FAM168B: variants seen among roughly 807,000 people sequenced by gnomAD.
FAM168B encodes family with sequence similarity 168 member B, also known as myelin-associated neurite-outgrowth inhibitor.
In FAM168B, 19 loss-of-function variants were observed where a neutral mutation model predicts 21.8. The observed-to-expected ratio is 0.87, with a 90% CI of 0.61 to 1.28. FAM168B has a LOEUF of 1.28. Ranked by LOEUF, FAM168B falls within the 50% of genes most tolerant of loss-of-function variation. The pLI is 0.00. For missense variants in FAM168B, 233 were observed against 263.1 expected, an observed-to-expected ratio of 0.89 and a Z score of 0.79; for synonymous variants, 126 against 104.8, an observed-to-expected ratio of 1.20 and a Z score of -1.24.
At chr2:131,052,566 C>G in intron 6 of FAM168B, 114 bp from the exon 7 acceptor site, 2 of 855,624 alleles carry the variant, frequency 2.3e-6, no homozygotes, top group Non-Finnish European at 2.9e-6. Context: ...ATGGGCAAAA[C>G]TGCTGGACCT....
rs1691503414 is a variant in FAM168B at position 131,049,311 on chromosome 2, C to T, written c.*3154G>A. The T allele has an allele frequency of 3.0e-6, 3 of 985,386 alleles. No homozygotes were observed. Among genetic ancestry groups the T allele is most frequent in the Non-Finnish European group, 2.4e-6 (2 of 830,044 alleles). 61.0% of individuals were successfully genotyped at this position (985,386 alleles called of 1,614,324 possible). A position where few individuals can be genotyped will look rare whatever the true frequency, so the allele number is the denominator to read the frequency against. On this transcript the variant is annotated 3_prime_UTR_variant, in exon 7 of 7. Transcript: ENST00000389915. Reference sequence around the variant, plus strand: ...ACACTCACTGACCAGGTGCCCACCCCAAGGCTCAGGACCACCCCCATTGCC... The same window carrying T: ...ACACTCACTGACCAGGTGCCCACCCTAAGGCTCAGGACCACCCCCATTGCC...
intron 3 of FAM168B, among the ~76,000 whole-genome samples, chr2:131,059,711 T>C (rs1298647648): frequency 6.6e-6 from 1 of 152,114 alleles, no homozygotes; most frequent in Admixed American, 6.5e-5. Flanking sequence ...ACCCACAGGG[T>C]TCCCTTTCTT....
At chr2:131,072,098 TTC>T (rs1351462646) in intron 2 of FAM168B, among the ~76,000 whole-genome samples, 160 bp from the exon 3 acceptor site, 1 of 152,212 alleles carries the variant, frequency 6.6e-6, no homozygotes, top group Non-Finnish European at 1.5e-5. Flanking sequence ...TCTAGTTGTC[TTC>T]TTCCCGCAGA....
At position 131,051,781 on chromosome 2, in the gene FAM168B, T is replaced by C; in HGVS notation, c.*684A>G. 1 of 985,466 alleles carries C rather than the reference T, an allele frequency of 1.0e-6. No individual in the cohort carries two copies. Among genetic ancestry groups the C allele is most frequent in the Non-Finnish European group, 1.2e-6 (1 of 829,940 alleles). 61.0% of individuals were successfully genotyped at this position (985,466 alleles called of 1,614,324 possible). On this transcript the variant is annotated 3_prime_UTR_variant, in exon 7 of 7. Coordinates refer to ENST00000389915, the MANE Select transcript of FAM168B (RefSeq NM_001009993.4). ...AGCTTTAAGCATGTCCCTGTTCCAC[T>C]GACTCCACCAAGCCTAAACTCAAAG...
At chr2:131,060,000 C>CTTAA (rs1692213259) in intron 3 of FAM168B, among the ~76,000 whole-genome samples, 1 of 152,154 alleles carries the variant, frequency 6.6e-6, no homozygotes, top group South Asian at 2.1e-4. Flanking sequence ...TGTACTTGTG[C>CTTAA]TTAAGCCAGG....
At chr2:131,075,868 G>A (rs1327806513) in intron 2 of FAM168B, among the ~76,000 whole-genome samples, 1 of 152,120 alleles carries the variant, frequency 6.6e-6, no homozygotes, top group East Asian at 1.9e-4. Flanking sequence ...GGCATCACTA[G>A]CCACCAGCAA....
At chr2:131,058,745 G>C (rs1692150913) in intron 3 of FAM168B, among the ~76,000 whole-genome samples, 1 of 152,172 alleles carries the variant, frequency 6.6e-6, no homozygotes, top group Admixed American at 6.5e-5. Flanking sequence ...TTCTCTGGCT[G>C]CTCATCTCCT....
At chr2:131,066,537 G>A (rs999364766) in intron 3 of FAM168B, among the ~76,000 whole-genome samples, 1 of 152,140 alleles carries the variant, frequency 6.6e-6, no homozygotes, top group African/African-American at 2.4e-5. Flanking sequence ...CTTGTGTGTA[G>A]AGCTTATTAC....
intron 3 of FAM168B, among the ~76,000 whole-genome samples, chr2:131,061,001 A>G (rs1195355335): frequency 6.7e-6 from 1 of 150,346 alleles, no homozygotes; most frequent in Non-Finnish European, 1.5e-5. Flanking sequence ...ACAGGCGCCC[A>G]CCACCAAGCC....
Position 131,048,406 on chromosome 2 carries a change from C to CCG in FAM168B, c.*4058_*4059insCG. On this transcript the variant is annotated 3_prime_UTR_variant, in exon 7 of 7. Transcript: ENST00000389915. ...GGAGCACACCACCCTTCTGCAGGCCCGGGGGGGGGTCCCTACACAGACGCC... is the reference window on the plus strand; with the variant it reads ...GGAGCACACCACCCTTCTGCAGGCCCCGGGGGGGGGGTCCCTACACAGACGCC... 1 of 1,231,596 alleles carries CCG rather than the reference C, an allele frequency of 8.1e-7. No individual in the cohort carries two copies. Among genetic ancestry groups the CCG allele is most frequent in the Non-Finnish European group, 1.1e-6 (1 of 941,170 alleles). 76.3% of individuals were successfully genotyped at this position (1,231,596 alleles called of 1,614,324 possible).
Position 131,051,027 on chromosome 2 carries a change from CAA to C in FAM168B, c.*1436_*1437del. The C allele has an allele frequency of 1.0e-6, 1 of 985,422 alleles. No individual in the cohort carries two copies. 61.0% of individuals were successfully genotyped at this position (985,422 alleles called of 1,614,324 possible). A position where few individuals can be genotyped will look rare whatever the true frequency, so the allele number is the denominator to read the frequency against. On this transcript the variant is annotated 3_prime_UTR_variant, in exon 7 of 7. Coordinates refer to ENST00000389915, the MANE Select transcript of FAM168B (RefSeq NM_001009993.4). ...GGGAAGCCTTTTCATTTCTTATGTA[CAA>C]GATTCAGATCCTAAACTCAAATTCC...
In FAM168B at chr2:131,048,727, G is replaced by A; in HGVS notation, c.*3738C>T. The A allele has an allele frequency of 1.0e-6, 1 of 987,560 alleles. No individual in the cohort carries two copies. The highest frequency in any genetic ancestry group is 1.2e-6 in the Non-Finnish European group (1 of 831,124). The allele number at this position is 987,560 out of a possible 1,614,324, so 61.2% of individuals were successfully genotyped here. On this transcript the variant is annotated 3_prime_UTR_variant, in exon 7 of 7. Coordinates refer to ENST00000389915, the MANE Select transcript of FAM168B (RefSeq NM_001009993.4). ...AACACTCACAAATGCAGAGGTACTA[G>A]AGGGGAGAAATACGTGCTCTGCCTT...
chr2:131,089,696 C>A (rs1693907741), intron 1 of FAM168B, among the ~76,000 whole-genome samples: 1 of 135,818 alleles, frequency 7.4e-6, no homozygotes, highest in Non-Finnish European at 1.6e-5. Context: ...CCAGTCTGGG[C>A]AACAGAGCGA....
Position 131,066,161 on chromosome 2 carries a change from C to CTTT in FAM168B, c.154+5691_154+5693dup, listed in dbSNP as rs762218220. On this transcript the variant is annotated intron_variant, in intron 3 of 6. Coordinates refer to ENST00000389915, the MANE Select transcript of FAM168B (RefSeq NM_001009993.4). ...CCATCACTCTTTGCAACATTTGTAT[C>CTTT]TTTTTTTTTTTTTTTTTGAGACTGA... Among the ~76,000 whole-genome samples the CTTT allele has an allele frequency of 3.2e-3, 439 of 138,324 alleles. 7 individuals carry two copies. Among genetic ancestry groups the CTTT allele is most frequent in the Admixed American group, 0.028 (379 of 13,632 alleles). The allele number at this position is 138,324 out of a possible 152,430, so 90.7% of individuals were successfully genotyped here.
chr2:131,073,180 C>T (rs1692959877), intron 2 of FAM168B, among the ~76,000 whole-genome samples: 1 of 149,708 alleles, frequency 6.7e-6, no homozygotes, highest in African/African-American at 2.5e-5. Flanking sequence ...GCAACCTCCG[C>T]CTCCTGGGTT....
intron 3 of FAM168B, among the ~76,000 whole-genome samples, chr2:131,056,874 T>C (rs1252908558): frequency 1.3e-5 from 2 of 151,976 alleles, no homozygotes; most frequent in Non-Finnish European, 2.9e-5. Flanking sequence ...ACCAACCTAA[T>C]CCAGAGTCAT....
At position 131,057,489 on chromosome 2, in the gene FAM168B, G is replaced by A. The variant is rs564098868; in HGVS notation, c.155-1794C>T. ...TGACGGAAATCAGAGGGGAGAGGGC[G>A]AAGAAAGCGTTCTGGGATGATCAAA... is the stretch of plus-strand genomic sequence containing the variant. On this transcript the variant is annotated intron_variant, in intron 3 of 6. Coordinates refer to ENST00000389915, the MANE Select transcript of FAM168B (RefSeq NM_001009993.4). Among the ~76,000 whole-genome samples, 26 of 152,308 alleles carry A rather than the reference G, an allele frequency of 1.7e-4. No individual in the cohort carries two copies. The South Asian group carries it at 1.9e-3, about 11-fold the overall frequency.
chr2:131,085,235 A>C (rs931483695), intron 1 of FAM168B, among the ~76,000 whole-genome samples: 1 of 152,128 alleles, frequency 6.6e-6, no homozygotes, highest in African/African-American at 2.4e-5. Context: ...GGATCGCTTG[A>C]GGCCAGGAGT....
At chr2:131,084,092 G>A (rs1464712098) in intron 1 of FAM168B, among the ~76,000 whole-genome samples, 1 of 151,544 alleles carries the variant, frequency 6.6e-6, no homozygotes, top group Non-Finnish European at 1.5e-5. Flanking sequence ...TAGTAGAGAC[G>A]GGGTTTCACC....
Sources: allele counts gnomAD v4.1 joint callset (sites outside exome capture counted in the v4.1 genomes callset), GRCh38; gene constraint gnomAD v4.1.1; transcripts MANE v1.5; gene names NCBI Gene and HGNC (gene_info 2026-07-23, HGNC 2026-07-21).